The following SPICE1 variants were observed in gnomAD, a reference collection of about 807,000 sequenced individuals.
SPICE1 encodes spindle and centriole associated protein 1.
Under a neutral mutation model 102.7 loss-of-function variants are expected in SPICE1, and 75 were observed. The observed-to-expected ratio is 0.73, with a 90% CI of 0.61 to 0.88. The LOEUF (loss-of-function observed/expected upper bound fraction) is 0.88, where lower values mean the gene tolerates loss of function less well. SPICE1 is among the 40% of genes least tolerant of loss of function. SPICE1 has a pLI of 0.00. For synonymous variants in SPICE1, 308 were observed against 350.3 expected (o/e 0.88, Z 1.35); for missense variants, 979 against 1,020.1 (o/e 0.96, Z 0.55).
At position 113,442,864 on chromosome 3, in the gene SPICE1, T is replaced by C. The variant is rs1391643155; in HGVS notation, c.*2443A>G. 1 of 152,238 alleles carries C rather than the reference T, an allele frequency of 6.6e-6. No individual in the cohort carries two copies. The highest frequency in any genetic ancestry group is 1.5e-5 in the Non-Finnish European group (1 of 68,032). The allele number at this position is 152,238 out of a possible 1,614,324, so 9.4% of individuals were successfully genotyped here. ...CCTTGCTATTACTTATTAAATGGTA[T>C]ATCTAGGTGCCAGAAAAGATAGAAA... On this transcript the variant is annotated 3_prime_UTR_variant, in exon 18 of 18. Transcript: ENST00000295872.
At chr3:113,493,412 T>A in intron 5 of SPICE1, 100 bp from the exon 6 acceptor site, 1 of 885,272 alleles carries the variant, frequency 1.1e-6, no homozygotes, top group Non-Finnish European at 1.8e-6. Context: ...ATGAAAATCT[T>A]AAACAGCAGC....
intron 14 of SPICE1, among the ~76,000 whole-genome samples, chr3:113,452,339 TC>T (rs1935673522): frequency 1.3e-5 from 2 of 152,144 alleles, no homozygotes; most frequent in African/African-American, 4.8e-5. Flanking sequence ...TTCAGCAAGA[TC>T]CCCAGATGAT....
intron 2 of SPICE1, among the ~76,000 whole-genome samples, chr3:113,505,295 G>C (rs918620021): frequency 6.6e-6 from 1 of 150,878 alleles, no homozygotes; most frequent in African/African-American, 2.5e-5. Context: ...ACTCTGAAGG[G>C]GAAAATATGT....
intron 1 of SPICE1, among the ~76,000 whole-genome samples, chr3:113,513,250 A>C (rs896062583): frequency 6.6e-6 from 1 of 152,072 alleles, no homozygotes; most frequent in African/African-American, 2.4e-5. Flanking sequence ...CTAAAAAAAA[A>C]ATTTTTTTTA....
rs1936113390 is a variant in SPICE1 at position 113,468,364 on chromosome 3, C to T, written c.930G>A (p.Lys310=). The T allele has an allele frequency of 3.7e-6, 6 of 1,614,002 alleles. No homozygotes were observed. Among genetic ancestry groups the T allele is most frequent in the Non-Finnish European group, 3.4e-6 (4 of 1,180,016 alleles). ...KPNLHALSKP[K]KNISSGSTTS... is the part of the protein sequence containing the mutation. Reference sequence around the variant, plus strand: ...TTGTGCTACCTGATGATATGTTTTTCTTCGGCTTGGAAAGAGCATGCAAAT... The same window carrying T: ...TTGTGCTACCTGATGATATGTTTTTTTTCGGCTTGGAAAGAGCATGCAAAT... The change falls in exon 10 of 18, where the codon AAG becomes AAA. Residue 310 remains lysine (K), a synonymous_variant. Coordinates refer to ENST00000295872, the MANE Select transcript of SPICE1 (RefSeq NM_144718.4).
chr3:113,514,396 T>C, intron 1 of SPICE1: 1 of 348,124 alleles, frequency 2.9e-6, no homozygotes, highest in Non-Finnish European at 5.7e-6. Context: ...AGAATAGATC[T>C]GAACCCTTTA....
intron 12 of SPICE1, among the ~76,000 whole-genome samples, chr3:113,458,906 G>A (rs374594370): frequency 1.4e-4 from 22 of 152,194 alleles, no homozygotes; most frequent in African/African-American, 4.6e-4. Context: ...CCGCCACCCC[G>A]TCTGGGAGGT....
In SPICE1 at chr3:113,457,184, T is replaced by G. The variant is rs1413359312; in HGVS notation, c.1609A>C (p.Thr537Pro). Residue 537 changes from threonine to proline, a missense_variant, in exon 13 of 18, where the codon ACA becomes CCA. Coordinates refer to ENST00000295872, the MANE Select transcript of SPICE1 (RefSeq NM_144718.4). ...AHIFEPAVLL[T>P]PPRQKSNLKF... ...AAGTTGCTCTTCTGCCTGGGTGGTG[T>G]TAACAACACAGCTGGCTCAAAAATA... 6.2e-7 allele frequency: 1 copy of G among 1,614,214 alleles called. No individual in the cohort carries two copies. Among genetic ancestry groups the G allele is most frequent in the South Asian group, 1.1e-5 (1 of 91,074 alleles).
intron 4 of SPICE1, among the ~76,000 whole-genome samples, chr3:113,496,059 C>CTTTTTT (rs10557473): frequency 1.2e-5 from 1 of 82,930 alleles, no homozygotes; most frequent in African/African-American, 4.9e-5. Context: ...TTTTTTACAA[C>CTTTTTT]TTTTTTTTTT....
At chr3:113,465,534 G>A (rs1419281730) in intron 11 of SPICE1, 119 bp downstream of exon 11, 1 of 794,526 alleles carries the variant, frequency 1.3e-6, no homozygotes, top group African/African-American at 1.8e-5. Flanking sequence ...TGATAAAAAT[G>A]ACTGATAAGT....
chr3:113,468,719 G>C, intron 9 of SPICE1, 43 bp downstream of exon 9: 1 of 1,583,462 alleles, frequency 6.3e-7, no homozygotes, highest in South Asian at 1.2e-5. Flanking sequence ...GCTGTATCAA[G>C]TTACATGTTT....
chr3:113,455,507 C>A (rs2107448977), intron 13 of SPICE1, among the ~76,000 whole-genome samples: 1 of 152,342 alleles, frequency 6.6e-6, no homozygotes, highest in Non-Finnish European at 1.5e-5. Flanking sequence ...TCACTAGCCC[C>A]ATGCAGCCAG....
intron 2 of SPICE1, among the ~76,000 whole-genome samples, chr3:113,503,707 T>C (rs1576649412): frequency 6.6e-6 from 1 of 151,824 alleles, no homozygotes; most frequent in South Asian, 2.1e-4. Context: ...CTGAGGTGGG[T>C]GGACCACCTG....
At chr3:113,503,122 A>C in intron 3 of SPICE1, 58 bp downstream of exon 3, 1 of 1,549,122 alleles carries the variant, frequency 6.5e-7, no homozygotes, top group Non-Finnish European at 8.8e-7. Flanking sequence ...TAAAGGTTAC[A>C]AGTCAAATAC....
intron 7 of SPICE1, among the ~76,000 whole-genome samples, chr3:113,469,719 T>C (rs976053821): frequency 1.3e-5 from 2 of 152,076 alleles, no homozygotes; most frequent in African/African-American, 4.8e-5. Flanking sequence ...CCTATCACCT[T>C]AGTGTTAGAA....
chr3:113,460,733 T>A lies in SPICE1; in HGVS notation c.1319A>T (p.Asp440Val), dbSNP rs1407140714. The A allele has an allele frequency of 6.2e-7, 1 of 1,613,026 alleles. No homozygotes were observed. Among genetic ancestry groups the A allele is most frequent in the South Asian group, 1.1e-5 (1 of 90,830 alleles). The part of the protein sequence containing the change: ...ARLQQYMVTT[D>V]EQLISLTHAI... ...ATGTGTGAGTGATATCAGTTGCTCATCTGTTGTGACCATGTACTGCTGAAG... is the reference window on the plus strand; with the variant it reads ...ATGTGTGAGTGATATCAGTTGCTCAACTGTTGTGACCATGTACTGCTGAAG... Residue 440 changes from aspartate to valine, a missense_variant, in exon 12 of 18, where the codon GAT becomes GTT. Physicochemically the swap from Asp to Val is radical, Grantham distance 152. Coordinates refer to ENST00000295872, the MANE Select transcript of SPICE1 (RefSeq NM_144718.4).
intron 10 of SPICE1, among the ~76,000 whole-genome samples, chr3:113,467,449 GC>G (rs1936086718): frequency 6.6e-6 from 1 of 152,040 alleles, no homozygotes. Context: ...CCGCCACCAT[GC>G]CCGACTAATT....
intron 7 of SPICE1, among the ~76,000 whole-genome samples, chr3:113,472,158 C>G (rs748263089): frequency 6.6e-6 from 1 of 152,244 alleles, no homozygotes; most frequent in African/African-American, 2.4e-5. Flanking sequence ...GAGGGTCTTA[C>G]GCCCACAGAG....
intron 10 of SPICE1, 87 bp from the exon 11 acceptor site, chr3:113,465,871 T>C: frequency 7.5e-7 from 1 of 1,327,664 alleles, no homozygotes. Flanking sequence ...AAAGAAGATA[T>C]TTACAAAGAA....
Sources: allele counts gnomAD v4.1 joint callset (sites outside exome capture counted in the v4.1 genomes callset), GRCh38; gene constraint gnomAD v4.1.1; transcripts MANE v1.5; gene names NCBI Gene and HGNC (gene_info 2026-07-23, HGNC 2026-07-21).